DNAAF4: variants seen among roughly 807,000 people sequenced by gnomAD.
DNAAF4 encodes dynein axonemal assembly factor 4, also known as dynein assembly factor 4, axonemal.
Under a neutral mutation model 51.8 loss-of-function variants are expected in DNAAF4, and 43 were observed. The ratio of observed to expected loss-of-function variants is 0.83; its 90% CI spans 0.65 to 1.07. The LOEUF (loss-of-function observed/expected upper bound fraction) is 1.07. Ranked by LOEUF, DNAAF4 falls within the 50% of genes least tolerant of loss-of-function variation. The pLI, the probability that DNAAF4 is intolerant of heterozygous loss-of-function variation, is 0.00. For synonymous variants in DNAAF4, 194 were observed against 165.6 expected (o/e 1.17, Z -1.32); for missense variants, 581 against 493.0 (o/e 1.18, Z -1.69).
chr15:55,475,403 G>C (rs893353348), intron 4 of DNAAF4, among the ~76,000 whole-genome samples: 1 of 152,182 alleles, frequency 6.6e-6, no homozygotes, highest in Admixed American at 6.5e-5. Context: ...AAGTATGAAA[G>C]GTAAGAAGCT....
rs1361217743 is a variant in DNAAF4 at position 55,443,222 on chromosome 15, C to G, written c.784-3641G>C. On this transcript the variant is annotated intron_variant, in intron 6 of 9. Transcript: ENST00000321149. ...CAGCTGGGGTTGGGGACAGAATAGT[C>G]CTTAAGAATGACTTCCTCAGAAGAA... The G allele has an allele frequency of 3.7e-6, 6 of 1,609,058 alleles. No individual in the cohort carries two copies. In the Admixed American group the frequency reaches 1.0e-4, roughly 27 times the overall value.
intron 7 of DNAAF4, among the ~76,000 whole-genome samples, chr15:55,436,040 G>C (rs1006878188): frequency 6.6e-6 from 1 of 152,098 alleles, no homozygotes; most frequent in African/African-American, 2.4e-5. Flanking sequence ...TGCCCGCTTC[G>C]GCCTCCCAAA....
At chr15:55,468,036 G>C (rs200078536) in intron 4 of DNAAF4, among the ~76,000 whole-genome samples, 1 of 152,126 alleles carries the variant, frequency 6.6e-6, no homozygotes, top group Non-Finnish European at 1.5e-5. Flanking sequence ...ATCCAATATA[G>C]TAGCCACTAG....
chr15:55,446,522 C>A (rs1046806568), intron 6 of DNAAF4, among the ~76,000 whole-genome samples: 2 of 148,888 alleles, frequency 1.3e-5, no homozygotes, highest in African/African-American at 2.5e-5. Flanking sequence ...GTGCTCCTCA[C>A]TTCCCAGACC....
chr15:55,498,202 C>T lies in DNAAF4; in HGVS notation c.123+5G>A. The T allele has an allele frequency of 6.2e-7, 1 of 1,614,032 alleles. No individual in the cohort carries two copies. Among genetic ancestry groups the T allele is most frequent in the Non-Finnish European group, 8.5e-7 (1 of 1,179,960 alleles). ...GAGACCGGCAGGCAAGACTTGCATT[C>T]TTACCTTCAGATAGTTTTCCGTGCA... On this transcript the variant is annotated splice_donor_5th_base_variant and intron_variant, in intron 2 of 9. Coordinates refer to ENST00000321149, the MANE Select transcript of DNAAF4 (RefSeq NM_130810.4).
At chr15:55,420,905 T>C (rs2057382660) in intron 7 of DNAAF4, among the ~76,000 whole-genome samples, 2 of 152,110 alleles carry the variant, frequency 1.3e-5, no homozygotes, top group Admixed American at 6.6e-5. Flanking sequence ...ATTCTCAGGA[T>C]TGGCCGGGCA....
intron 4 of DNAAF4, among the ~76,000 whole-genome samples, chr15:55,472,041 T>C (rs1022950867): frequency 4.0e-5 from 6 of 151,740 alleles, no homozygotes; most frequent in African/African-American, 1.5e-4. Context: ...GGTTTCATCA[T>C]GTTGGCCAGG....
intron 6 of DNAAF4, among the ~76,000 whole-genome samples, chr15:55,441,321 C>T (rs1437465932): frequency 2.7e-5 from 4 of 149,872 alleles, no homozygotes; most frequent in South Asian, 2.1e-4. Flanking sequence ...CTGCCCACCT[C>T]GGCCTCCCAA....
In DNAAF4 at chr15:55,467,174, C is replaced by A. The variant is rs777926149; in HGVS notation, c.406-13G>T. ...CTTCTTCTTCAATCTATAACAATTGCAATTACCAAATTCTTTAAAATACAT... is the reference window on the plus strand; with the variant it reads ...CTTCTTCTTCAATCTATAACAATTGAAATTACCAAATTCTTTAAAATACAT... On this transcript the variant is annotated splice_polypyrimidine_tract_variant and intron_variant, in intron 4 of 9. Coordinates refer to ENST00000321149, the MANE Select transcript of DNAAF4 (RefSeq NM_130810.4). 3 of 1,503,828 alleles carry A rather than the reference C, an allele frequency of 2.0e-6. No homozygotes were observed. In the African/African-American group the frequency reaches 4.3e-5, roughly 21 times the overall value. The allele number at this position is 1,503,828 out of a possible 1,614,324, so 93.2% of individuals were successfully genotyped here.
At chr15:55,447,743 A>G (rs2057856806) in intron 6 of DNAAF4, among the ~76,000 whole-genome samples, 1 of 143,548 alleles carries the variant, frequency 7.0e-6, no homozygotes, top group African/African-American at 2.6e-5. Context: ...ACGGCAGTAC[A>G]GTCCAGCCTC....
intron 5 of DNAAF4, among the ~76,000 whole-genome samples, chr15:55,457,914 G>C (rs1245094314): frequency 6.6e-6 from 1 of 152,140 alleles, no homozygotes; most frequent in Non-Finnish European, 1.5e-5. Flanking sequence ...GGCCCAACTG[G>C]GTGGCTAGAA....
Position 55,446,970 on chromosome 15 carries a change from C to T in DNAAF4, c.783+3252G>A, listed in dbSNP as rs1322721998. 1.1e-4 allele frequency among the ~76,000 whole-genome samples: 16 copies of T among 139,998 alleles called. 1 individual carries two copies. Among genetic ancestry groups the T allele is most frequent in the African/African-American group, 2.7e-4 (10 of 36,808 alleles). The allele number at this position is 139,998 out of a possible 152,430, so 91.8% of individuals were successfully genotyped here. On this transcript the variant is annotated intron_variant, in intron 6 of 9. Transcript: ENST00000321149. ...CAGATGATGGGCGGCCGGGCAGAGGCGCTCCCCACTTCCCAGACGGGGCAG... is the reference window on the plus strand; with the variant it reads ...CAGATGATGGGCGGCCGGGCAGAGGTGCTCCCCACTTCCCAGACGGGGCAG...
chr15:55,495,953 G>A lies in DNAAF4; in HGVS notation c.271+1759C>T, dbSNP rs77530536. 1.7e-3 allele frequency among the ~76,000 whole-genome samples: 263 copies of A among 152,258 alleles called. 1 individual carries two copies. Among genetic ancestry groups the A allele is most frequent in the African/African-American group, 5.8e-3 (242 of 41,548 alleles). On this transcript the variant is annotated intron_variant, in intron 3 of 9. Coordinates refer to ENST00000321149, the MANE Select transcript of DNAAF4 (RefSeq NM_130810.4). The stretch of plus-strand genomic sequence containing the variant: ...TAAAACTGGGGATGTCAGGCCGGTC[G>A]CGGTGGCTCATGGCTGTAATCCCGG...
chr15:55,478,432 G>T (rs569176413), intron 4 of DNAAF4, among the ~76,000 whole-genome samples: 4 of 152,164 alleles, frequency 2.6e-5, no homozygotes, highest in Non-Finnish European at 5.9e-5. Context: ...TGCAGACAAC[G>T]TTCTGGACCA....
chr15:55,473,198 A>AT (rs1555418729), intron 4 of DNAAF4, among the ~76,000 whole-genome samples: 30 of 75,740 alleles, frequency 4.0e-4, no homozygotes, highest in East Asian at 1.7e-3. Context: ...AAAAAAAAAA[A>AT]ATATATATAT....
At position 55,497,855 on chromosome 15, in the gene DNAAF4, T is replaced by C. The variant is rs61733359; in HGVS notation, c.128A>G (p.Asn43Ser). The C allele has an allele frequency of 7.6e-4, 1,219 of 1,610,242 alleles. 10 individuals carry two copies. In the African/African-American group the frequency reaches 0.014, roughly 18 times the overall value. Reference protein sequence around the residue: ...VFCTENYLKVNFPPFLFEAFL... With the variant: ...VFCTENYLKVSFPPFLFEAFL... ...TGCCTCAAATAAAAATGGAGGAAAG[T>C]TGACCTATGCAGAAGGGTGAAAACA... The change falls in exon 3 of 10, where the codon AAC becomes AGC. Residue 43 changes from asparagine (N) to serine (S), a missense_variant. Coordinates refer to ENST00000321149, the MANE Select transcript of DNAAF4 (RefSeq NM_130810.4).
intron 1 of DNAAF4, among the ~76,000 whole-genome samples, chr15:55,500,053 T>C (rs80108855): frequency 0.014 from 2,048 of 149,148 alleles, 32 homozygotes; most frequent in African/African-American, 0.04. Flanking sequence ...TTTTTAACTT[T>C]AAAAAAAAAA....
At chr15:55,450,407 A>G in intron 5 of DNAAF4, 40 bp from the exon 6 acceptor site, 1 of 1,589,750 alleles carries the variant, frequency 6.3e-7, no homozygotes, top group Non-Finnish European at 8.6e-7. Flanking sequence ...CTTATTTCTC[A>G]TTTTCTAGTT....
At chr15:55,481,220 A>T (rs774035428) in intron 4 of DNAAF4, among the ~76,000 whole-genome samples, 75 of 152,278 alleles carry the variant, frequency 4.9e-4, no homozygotes, top group Non-Finnish European at 8.5e-4. Context: ...CTAACTGCTG[A>T]AAAAAGTGGC....
Sources: gnomAD v4.1 joint callset for allele counts (sites outside exome capture counted in the v4.1 genomes callset) on GRCh38, gnomAD v4.1.1 for gene constraint, MANE v1.5 for transcripts, NCBI Gene and HGNC (gene_info 2026-07-23, HGNC 2026-07-21) for gene names.